The following AARS1 variants were observed in gnomAD, a reference collection of about 807,000 sequenced individuals.
AARS1 encodes alanyl-tRNA synthetase 1.
Under a neutral mutation model 108.9 loss-of-function variants are expected in AARS1, and 72 were observed. That is an observed-to-expected ratio of 0.66 (90% CI 0.55 to 0.80). The LOEUF is 0.80. AARS1 is among the 30% of genes least tolerant of loss of function. AARS1 has a pLI of 0.00. For missense variants in AARS1, 1,193 were observed against 1,233.2 expected (o/e 0.97, Z 0.49); for synonymous variants, 489 against 465.7 (o/e 1.05, Z -0.64).
Position 70,259,262 on chromosome 16 carries a change from G to T in AARS1, c.1786-76C>A, listed in dbSNP as rs531124165. 32 of 1,456,326 alleles carry T rather than the reference G, an allele frequency of 2.2e-5. No homozygotes were observed. The African/African-American group carries it at 3.5e-4, about 16-fold the overall frequency. The allele number at this position is 1,456,326 out of a possible 1,614,324, so 90.2% of individuals were successfully genotyped here. ...ATCTCCTCGTTATCTGCTCCCCCGAGTGCTACAATTTTTAGTTGGAAATAT... is the reference window on the plus strand; with the variant it reads ...ATCTCCTCGTTATCTGCTCCCCCGATTGCTACAATTTTTAGTTGGAAATAT... On this transcript the variant is annotated intron_variant, in intron 13 of 20. Transcript: ENST00000261772.
rs1342157943 is a variant in AARS1, at chr16:70,284,350, C to T, written c.-21-1566G>A. Among the ~76,000 whole-genome samples the T allele has an allele frequency of 3.3e-5, 5 of 150,694 alleles. No individual in the cohort carries two copies. In the South Asian group the frequency reaches 8.4e-4, roughly 25 times the overall value. ...GGGCGCGGTGGCTCACGCCTGTAATCCCAGCACTTTGAGAGGCCGAGGCAG... is the reference window on the plus strand; with the variant it reads ...GGGCGCGGTGGCTCACGCCTGTAATTCCAGCACTTTGAGAGGCCGAGGCAG... On this transcript the variant is annotated intron_variant, in intron 1 of 20. Transcript: ENST00000261772.
rs1273121575 is a variant in AARS1, at chr16:70,252,908, T to G, written c.2722-2A>C. ...TTTTAAGCCCCGATTGGCTGCATTC[T>G]AGAAGACAGGAAGGGAAGGGGGAGT... is the stretch of plus-strand genomic sequence containing the variant. On this transcript the variant is annotated splice_acceptor_variant, in intron 20 of 20. Coordinates refer to ENST00000261772, the MANE Select transcript of AARS1 (RefSeq NM_001605.3). LOFTEE classifies it high-confidence loss of function. The G allele has an allele frequency of 1.9e-6, 3 of 1,614,040 alleles. No homozygotes were observed. Among genetic ancestry groups the G allele is most frequent in the Non-Finnish European group, 1.7e-6 (2 of 1,180,034 alleles).
rs1005079274 is a variant in AARS1, at chr16:70,282,655, G to A, written c.109C>T (p.Pro37Ser). Reference protein sequence around the residue: ...HSSATIPLDDPTLLFANAGMN... With the variant: ...HSSATIPLDDSTLLFANAGMN... ...CCTGCATTGGCAAAGAGCAAAGTGG[G>A]GTCATCCAATGGGATGGTGGCAGAC... Residue 37 changes from proline (P) to serine (S), a missense_variant, in exon 2 of 21, where the codon CCC (proline) becomes TCC (serine). Pro to Ser is a moderately conservative substitution (Grantham distance 74). Coordinates refer to ENST00000261772, the MANE Select transcript of AARS1 (RefSeq NM_001605.3). 4 of 1,614,146 alleles carry A rather than the reference G, an allele frequency of 2.5e-6. No homozygotes were observed. Among genetic ancestry groups the A allele is most frequent in the Non-Finnish European group, 3.4e-6 (4 of 1,180,032 alleles).
intron 14 of AARS1, 139 bp from the exon 15 acceptor site, chr16:70,258,356 TCA>T (rs1960045787): frequency 1.2e-6 from 1 of 848,258 alleles, no homozygotes; most frequent in Non-Finnish European, 1.9e-6. Context: ...GCTTCCTCAA[TCA>T]CACGCCACGT....
At chr16:70,282,108 C>A (rs1341227202) in intron 2 of AARS1, among the ~76,000 whole-genome samples, 1 of 150,152 alleles carries the variant, frequency 6.7e-6, no homozygotes, top group African/African-American at 2.5e-5. Context: ...GCACAGATCA[C>A]GCCACTGCAC....
At chr16:70,262,041 G>A (rs935352057) in intron 12 of AARS1, among the ~76,000 whole-genome samples, 2 of 152,120 alleles carry the variant, frequency 1.3e-5, no homozygotes, top group Non-Finnish European at 2.9e-5. Flanking sequence ...ATTCAGCAGC[G>A]GCAGAGCTCG....
At chr16:70,263,382 G>A (rs935724705) in intron 11 of AARS1, among the ~76,000 whole-genome samples, 1 of 152,016 alleles carries the variant, frequency 6.6e-6, no homozygotes, top group African/African-American at 2.4e-5. Context: ...GACCAGCCTG[G>A]CCAACACGGT....
intron 11 of AARS1, among the ~76,000 whole-genome samples, chr16:70,263,916 C>T (rs1295844985): frequency 1.3e-5 from 2 of 152,230 alleles, no homozygotes; most frequent in East Asian, 3.9e-4. Flanking sequence ...GGATTACAGG[C>T]ATGAGTCATT....
chr16:70,263,314 G>A (rs535358375), intron 11 of AARS1, among the ~76,000 whole-genome samples: 1 of 152,312 alleles, frequency 6.6e-6, no homozygotes, highest in South Asian at 2.1e-4. Flanking sequence ...GCTCACACCT[G>A]TCATCCTGGC....
At chr16:70,256,256 C>A (rs1362179544) in intron 15 of AARS1, among the ~76,000 whole-genome samples, 1 of 152,146 alleles carries the variant, frequency 6.6e-6, no homozygotes, top group East Asian at 1.9e-4. Context: ...GTTCAGAGAA[C>A]CTCAAATGTT....
intron 19 of AARS1, 44 bp from the exon 20 acceptor site, chr16:70,253,425 C>G (rs774045444): frequency 1.3e-6 from 2 of 1,482,428 alleles, no homozygotes; most frequent in East Asian, 2.3e-5. Context: ...GGAGCAGGGA[C>G]CCTCACTAGT....
At position 70,254,780 on chromosome 16, in the gene AARS1, G is replaced by T; in HGVS notation, c.2287-46C>A. 2.3e-6 allele frequency: 3 copies of T among 1,304,730 alleles called. No individual in the cohort carries two copies. The South Asian group carries it at 3.6e-5, about 16-fold the overall frequency. 80.8% of individuals were successfully genotyped at this position (1,304,730 alleles called of 1,614,324 possible). On this transcript the variant is annotated intron_variant, in intron 16 of 20. Coordinates refer to ENST00000261772, the MANE Select transcript of AARS1 (RefSeq NM_001605.3). The stretch of plus-strand genomic sequence containing the variant: ...AACCCCAAGCAGGAGGTCTGAGTCA[G>T]ACTCACTATCCTGTGTCTGAGCAGC...
chr16:70,261,492 G>T (rs1408204244), intron 12 of AARS1: 2 of 293,762 alleles, frequency 6.8e-6, no homozygotes, highest in Non-Finnish European at 1.3e-5. Context: ...CACCTACTCA[G>T]GAGGCAGAGG....
chr16:70,274,558 T>C (rs1443770219), intron 4 of AARS1, among the ~76,000 whole-genome samples: 2 of 151,712 alleles, frequency 1.3e-5, no homozygotes, highest in South Asian at 2.1e-4. Flanking sequence ...ACCCCATCTC[T>C]ACTAAAAATA....
intron 1 of AARS1, among the ~76,000 whole-genome samples, chr16:70,285,335 G>T (rs1280795712): frequency 6.6e-6 from 1 of 152,094 alleles, no homozygotes; most frequent in Non-Finnish European, 1.5e-5. Flanking sequence ...CCAGACTGGA[G>T]TGCAGTGGGA....
intron 1 of AARS1, among the ~76,000 whole-genome samples, chr16:70,285,168 G>A (rs1181581236): frequency 6.6e-6 from 1 of 151,782 alleles, no homozygotes; most frequent in African/African-American, 2.4e-5. Flanking sequence ...AATAGTGGTT[G>A]CAGTAAGCCG....
chr16:70,263,000 A>AAAAAAC (rs1960180653), intron 11 of AARS1, among the ~76,000 whole-genome samples: 1 of 132,918 alleles, frequency 7.5e-6, no homozygotes, highest in Non-Finnish European at 1.7e-5. Flanking sequence ...AAAAAAAAAC[A>AAAAAAC]ACAACAACAA....
intron 5 of AARS1, 57 bp from the exon 6 acceptor site, chr16:70,270,397 A>T (rs964153505): frequency 1.2e-6 from 2 of 1,602,506 alleles, no homozygotes; most frequent in Non-Finnish European, 8.6e-7. Flanking sequence ...CCACCTCTCC[A>T]GTCCCTGCTG....
intron 1 of AARS1, among the ~76,000 whole-genome samples, chr16:70,286,554 G>T (rs901157350): frequency 6.6e-6 from 1 of 152,068 alleles, no homozygotes; most frequent in Non-Finnish European, 1.5e-5. Context: ...AAAAATTTTT[G>T]AGGCCGGGTA....
Sources: gnomAD v4.1 joint callset for allele counts (sites outside exome capture counted in the v4.1 genomes callset) on GRCh38, gnomAD v4.1.1 for gene constraint, MANE v1.5 for transcripts, NCBI Gene and HGNC (gene_info 2026-07-23, HGNC 2026-07-21) for gene names.